The following SEPTIN14 variants were observed in gnomAD, a reference collection of about 807,000 sequenced individuals.
The protein encoded by SEPTIN14 is septin 14, also known as septin-14.
A neutral mutation model predicts 53.6 loss-of-function variants in SEPTIN14; 40 were observed. That is an observed-to-expected ratio of 0.75 (90% CI 0.58 to 0.97). The LOEUF is 0.97. Ranked by LOEUF, SEPTIN14 falls within the 50% of genes least tolerant of loss-of-function variation. SEPTIN14 has a pLI of 0.00. For missense variants in SEPTIN14, 471 were observed against 508.2 expected (o/e 0.93, Z 0.70); for synonymous variants, 138 against 166.8 (o/e 0.83, Z 1.33).
chr7:55,852,815 T>C (rs1021775394), intron 2 of SEPTIN14, among the ~76,000 whole-genome samples: 1 of 152,114 alleles, frequency 6.6e-6, no homozygotes. Flanking sequence ...AACCAGAATA[T>C]GTAAGAAGCT....
rs778117180 is a variant in SEPTIN14 at position 55,819,154 on chromosome 7, G to T, written c.790C>A (p.Arg264Ser). The T allele has an allele frequency of 2.5e-6, 4 of 1,585,272 alleles. No homozygotes were observed. Among genetic ancestry groups the T allele is most frequent in the Non-Finnish European group, 3.4e-6 (4 of 1,164,740 alleles). ...VKVGKRMVRG[R>S]HYPWGVLQVE... is the part of the protein sequence containing the mutation. The stretch of plus-strand genomic sequence containing the variant: ...TGCAAAACTCCCCAAGGGTAGTGAC[G>T]GCCTCTGACCATCCTTTTTCCAACT... Residue 264 changes from arginine (R) to serine (S), a missense_variant, in exon 7 of 10, where the codon CGT (arginine) becomes AGT (serine). Arg to Ser is a moderately radical substitution (Grantham distance 110, BLOSUM62 -1). Coordinates refer to ENST00000388975, the MANE Select transcript of SEPTIN14 (RefSeq NM_207366.3).
chr7:55,854,264 A>G (rs1043683398), intron 2 of SEPTIN14, among the ~76,000 whole-genome samples: 1 of 152,230 alleles, frequency 6.6e-6, no homozygotes, highest in African/African-American at 2.4e-5. Context: ...TTTAAAGTCT[A>G]TTAGTAAAAT....
At chr7:55,814,385 A>C (rs1788758038) in intron 7 of SEPTIN14, among the ~76,000 whole-genome samples, 1 of 152,206 alleles carries the variant, frequency 6.6e-6, no homozygotes, top group African/African-American at 2.4e-5. Flanking sequence ...TCCCAATCAC[A>C]TATCTCAGGA....
chr7:55,846,465 T>C, intron 3 of SEPTIN14, 52 bp downstream of exon 3: 5 of 1,402,820 alleles, frequency 3.6e-6, no homozygotes, highest in Non-Finnish European at 4.9e-6. Context: ...TAAGTTGAAA[T>C]GAACATTGGG....
At chr7:55,827,624 A>G (rs563796879) in intron 6 of SEPTIN14, among the ~76,000 whole-genome samples, 62 of 152,192 alleles carry the variant, frequency 4.1e-4, no homozygotes, top group Non-Finnish European at 9.0e-4. Context: ...GTTGGTGGGT[A>G]AGCTTTGTGG....
intron 3 of SEPTIN14, among the ~76,000 whole-genome samples, chr7:55,846,065 G>GTATATATATATATA (rs56306800): frequency 0.081 from 3,211 of 39,418 alleles, 555 homozygotes; most frequent in East Asian, 0.095. Flanking sequence ...AAAAAAAAAA[G>GTATATATATATATA]TATATATATA....
Position 55,795,311 on chromosome 7 carries a change from CA to C in SEPTIN14, c.*601del, listed in dbSNP as rs1788410760. 6.6e-6 allele frequency: 1 copy of C among 152,566 alleles called. No homozygotes were observed. Among genetic ancestry groups the C allele is most frequent in the African/African-American group, 2.4e-5 (1 of 41,432 alleles). 9.5% of individuals were successfully genotyped at this position (152,566 alleles called of 1,614,324 possible). On this transcript the variant is annotated 3_prime_UTR_variant, in exon 10 of 10. Transcript: ENST00000388975. ...TGGTAAATAAATTTCTCCACCTAAC[CA>C]GCTCCTTTTACATGATGCTACGTGT...
intron 9 of SEPTIN14, chr7:55,798,091 G>A (rs935332396): frequency 4.9e-5 from 9 of 183,320 alleles, no homozygotes; most frequent in African/African-American, 9.5e-5. Flanking sequence ...CCGTGGCCTC[G>A]GCATGTTCAG....
At chr7:55,840,953 G>A (rs1378641919) in intron 5 of SEPTIN14, among the ~76,000 whole-genome samples, 1 of 152,038 alleles carries the variant, frequency 6.6e-6, no homozygotes, top group African/African-American at 2.4e-5. Context: ...AGGCTGGAGT[G>A]CAGTGGCGCA....
chr7:55,817,856 C>T (rs1214133536), intron 7 of SEPTIN14, among the ~76,000 whole-genome samples: 3 of 152,026 alleles, frequency 2.0e-5, no homozygotes, highest in Non-Finnish European at 4.4e-5. Context: ...TTAATTATAT[C>T]AATTTAGCCA....
At chr7:55,854,662 T>C (rs943274134) in intron 2 of SEPTIN14, among the ~76,000 whole-genome samples, 7 of 152,124 alleles carry the variant, frequency 4.6e-5, no homozygotes, top group African/African-American at 1.7e-4. Context: ...TCTCCTGACC[T>C]TGTGATCCGC....
chr7:55,806,154 C>T (rs577418475), intron 8 of SEPTIN14, among the ~76,000 whole-genome samples: 7 of 152,124 alleles, frequency 4.6e-5, no homozygotes, highest in South Asian at 2.1e-4. Flanking sequence ...CCCGCCACCA[C>T]GCCCAGCTAA....
chr7:55,832,949 T>C (rs191704280), intron 6 of SEPTIN14, among the ~76,000 whole-genome samples: 3 of 152,198 alleles, frequency 2.0e-5, no homozygotes, highest in Non-Finnish European at 2.9e-5. Flanking sequence ...TTGACAAATA[T>C]GCACTTATAC....
intron 7 of SEPTIN14, among the ~76,000 whole-genome samples, chr7:55,812,088 T>C (rs1363073931): frequency 2.6e-5 from 4 of 152,170 alleles, no homozygotes; most frequent in Non-Finnish European, 4.4e-5. Flanking sequence ...AGCCACCGTG[T>C]CTGGCCAAGT....
chr7:55,810,449 G>GA (rs916425350), intron 7 of SEPTIN14, among the ~76,000 whole-genome samples: 8 of 144,316 alleles, frequency 5.5e-5, no homozygotes, highest in African/African-American at 2.1e-4. Flanking sequence ...GTTTCTTTTG[G>GA]TTTTGTTGCT....
chr7:55,824,802 AAAC>A (rs1410323336), intron 6 of SEPTIN14, among the ~76,000 whole-genome samples: 1 of 143,490 alleles, frequency 7.0e-6, no homozygotes, highest in Non-Finnish European at 1.6e-5. Context: ...AAAAACAAAC[AAAC>A]AATTTTTTTT....
chr7:55,843,586 C>A (rs1226932862), intron 4 of SEPTIN14, among the ~76,000 whole-genome samples: 1 of 152,202 alleles, frequency 6.6e-6, no homozygotes, highest in Non-Finnish European at 1.5e-5. Context: ...GTAATCACAG[C>A]ACTTTGGGAG....
chr7:55,837,333 T>A (rs1312486063), intron 5 of SEPTIN14, among the ~76,000 whole-genome samples: 3 of 152,110 alleles, frequency 2.0e-5, no homozygotes, highest in Non-Finnish European at 4.4e-5. Context: ...TTCTAGCTGG[T>A]CTCAAACTTC....
At chr7:55,830,571 C>T (rs1359496509) in intron 6 of SEPTIN14, among the ~76,000 whole-genome samples, 1 of 150,288 alleles carries the variant, frequency 6.7e-6, no homozygotes, top group African/African-American at 2.4e-5. Flanking sequence ...TCTCGATTTC[C>T]TGACCTCATG....
Sources: gnomAD v4.1 joint callset for allele counts (sites outside exome capture counted in the v4.1 genomes callset) on GRCh38, gnomAD v4.1.1 for gene constraint, MANE v1.5 for transcripts, NCBI Gene and HGNC (gene_info 2026-07-23, HGNC 2026-07-21) for gene names.